Variants in DNAH12 observed in about 807,000 individuals in gnomAD.
The protein encoded by DNAH12 is axonemal beta dynein heavy chain 12.
A neutral mutation model predicts 371.5 loss-of-function variants in DNAH12; 285 were observed. That is an observed-to-expected ratio of 0.77 (90% CI 0.70 to 0.85). The LOEUF is 0.85. Ranked by LOEUF, DNAH12 falls within the 40% of genes least tolerant of loss-of-function variation. DNAH12 has a pLI of 0.00. For synonymous variants in DNAH12, 1,200 were observed against 1,213.0 expected, an observed-to-expected ratio of 0.99 and a Z score of 0.22; for missense variants, 3,611 against 3,689.4, an observed-to-expected ratio of 0.98 and a Z score of 0.55.
chr3:57,328,510 A>T (rs1029630384), intron 62 of DNAH12, among the ~76,000 whole-genome samples: 2 of 149,012 alleles, frequency 1.3e-5, no homozygotes, highest in African/African-American at 5.0e-5. Context: ...AAATTCAACA[A>T]CCCTTCATGC....
At chr3:57,531,322 A>G (rs908074396) in intron 2 of DNAH12, among the ~76,000 whole-genome samples, 1 of 152,156 alleles carries the variant, frequency 6.6e-6, no homozygotes, top group Non-Finnish European at 1.5e-5. Context: ...AGCACTTTAA[A>G]TATTTCATTC....
intron 2 of DNAH12, among the ~76,000 whole-genome samples, chr3:57,532,794 T>C (rs1020702452): frequency 1.3e-5 from 2 of 152,172 alleles, no homozygotes; most frequent in Admixed American, 6.5e-5. Flanking sequence ...GAAGCCAGCA[T>C]AGCACTGGGT....
At chr3:57,452,050 G>A (rs554413341) in intron 25 of DNAH12, among the ~76,000 whole-genome samples, 2 of 151,984 alleles carry the variant, frequency 1.3e-5, no homozygotes, top group South Asian at 2.1e-4. Flanking sequence ...ATGAACTTTC[G>A]CTCCTGCTCT....
chr3:57,301,041 G>C (rs2061333046), intron 70 of DNAH12, among the ~76,000 whole-genome samples: 1 of 152,040 alleles, frequency 6.6e-6, no homozygotes, highest in South Asian at 2.1e-4. Context: ...TGTAATCCCA[G>C]TGCTTTGGGA....
chr3:57,310,688 T>G, intron 67 of DNAH12, 29 bp downstream of exon 67: 1 of 1,465,934 alleles, frequency 6.8e-7, no homozygotes, highest in Middle Eastern at 1.7e-4. Context: ...CACACATTAA[T>G]CTAACCTTAT....
chr3:57,327,092 C>A (rs969925046), intron 62 of DNAH12, among the ~76,000 whole-genome samples: 1 of 151,658 alleles, frequency 6.6e-6, no homozygotes, highest in Middle Eastern at 3.2e-3. Context: ...GAGACTTAGA[C>A]TCCCACACAA....
chr3:57,425,908 AAT>A (rs1253332560), intron 34 of DNAH12, among the ~76,000 whole-genome samples: 8 of 152,198 alleles, frequency 5.3e-5, no homozygotes, highest in Non-Finnish European at 1.0e-4. Flanking sequence ...AGACAAAAAT[AAT>A]ATGATGTAAT....
Position 57,468,798 on chromosome 3 carries a change from G to T in DNAH12, c.2287C>A (p.Pro763Thr). Residue 763 changes from proline (P) to threonine (T), a missense_variant, in exon 17 of 74, where the codon CCA (proline) becomes ACA (threonine). Transcript: ENST00000495027. The stretch of plus-strand genomic sequence containing the variant: ...ATAGTAATAGTAGCATTGTCTTTTG[G>T]TTCTTCTTCAATTTTCTCTTCTTCC... ...SLEEEKIEEE[P>T]KDNATITMCS... 1 of 1,533,734 alleles carries T rather than the reference G, an allele frequency of 6.5e-7. No individual in the cohort carries two copies. The highest frequency in any genetic ancestry group is 8.8e-7 in the Non-Finnish European group (1 of 1,142,832).
intron 70 of DNAH12, among the ~76,000 whole-genome samples, chr3:57,299,535 G>A (rs1310304337): frequency 1.3e-5 from 2 of 151,986 alleles, no homozygotes; most frequent in East Asian, 1.9e-4. Context: ...GAGAGAATGT[G>A]AAGATGCTAT....
chr3:57,544,922 G>A (rs969724981), upstream of DNAH12, among the ~76,000 whole-genome samples: 1 of 151,816 alleles, frequency 6.6e-6, no homozygotes, highest in Non-Finnish European at 1.5e-5. Context: ...AGTGAATACT[G>A]CCGGTGTGTT....
Position 57,446,045 on chromosome 3 carries a change from G to C in DNAH12, c.4165C>G (p.Pro1389Ala), listed in dbSNP as rs1434665780. The part of the protein sequence containing the change: ...NPGYAGRSEL[P>A]DNLKVLFRTV... Reference sequence around the variant, plus strand: ...AATAATATTACCTTAAGATTGTCCGGCAATTCAGAGCGTCCTGCATAGCCA... The same window carrying C: ...AATAATATTACCTTAAGATTGTCCGCCAATTCAGAGCGTCCTGCATAGCCA... The change falls in exon 27 of 74, where the codon CCG becomes GCG. Residue 1389 changes from proline to alanine, a missense_variant. Transcript: ENST00000495027. 1 of 1,547,600 alleles carries C rather than the reference G, an allele frequency of 6.5e-7. No individual in the cohort carries two copies. Among genetic ancestry groups the C allele is most frequent in the African/African-American group, 1.4e-5 (1 of 72,906 alleles).
At chr3:57,495,286 C>T (rs1374087332) in intron 11 of DNAH12, among the ~76,000 whole-genome samples, 5 of 152,130 alleles carry the variant, frequency 3.3e-5, no homozygotes, top group Middle Eastern at 3.4e-3. Context: ...GGGCCAGGCA[C>T]GGTGGCTCAC....
intron 61 of DNAH12, 30 bp downstream of exon 61, chr3:57,334,752 A>G (rs1029809769): frequency 1.3e-6 from 2 of 1,529,998 alleles, no homozygotes; most frequent in African/African-American, 2.8e-5. Context: ...ATTGCCATTC[A>G]ATGATAAATC....
chr3:57,519,733 A>T (rs562256858), intron 4 of DNAH12: 2 of 1,611,110 alleles, frequency 1.2e-6, no homozygotes, highest in South Asian at 1.1e-5. Flanking sequence ...GTTCTGTTTC[A>T]CCCACAGGGA....
chr3:57,337,032 G>C (rs2062239647), intron 60 of DNAH12, among the ~76,000 whole-genome samples: 2 of 152,094 alleles, frequency 1.3e-5, no homozygotes. Context: ...AAAAGACAGA[G>C]ACTGACAGTA....
Position 57,357,191 on chromosome 3 carries a change from T to G in DNAH12, c.9518A>C (p.Asn3173Thr), listed in dbSNP as rs2062819896. ...GAATGTTTACCTGTCATGAATAGAGTTGATATAAAGGTTCACAAACCACGT... is the reference window on the plus strand; with the variant it reads ...GAATGTTTACCTGTCATGAATAGAGGTGATATAAAGGTTCACAAACCACGT... ...SLTWFVNLYI[N>T]SIHDSNKSKI... is the part of the protein sequence containing the mutation. The change falls in exon 59 of 74, where the codon AAC becomes ACC. Residue 3173 changes from asparagine (N) to threonine (T), a missense_variant. Asn to Thr is a moderately conservative substitution (Grantham distance 65). Around this residue, in one of 3 missense-constraint regions of DNAH12, gnomAD observed 2,266 missense variants for 2,236.9 expected, o/e 1.01. Coordinates refer to ENST00000495027, the MANE Select transcript of DNAH12 (RefSeq NM_001366028.2). 1 of 151,728 alleles carries G rather than the reference T, an allele frequency of 6.6e-6. No individual in the cohort carries two copies. The highest frequency in any genetic ancestry group is 6.6e-5 in the Admixed American group (1 of 15,226). The allele number at this position is 151,728 out of a possible 1,614,324, so 9.4% of individuals were successfully genotyped here. A position where few individuals can be genotyped will look rare whatever the true frequency, so the allele number is the denominator to read the frequency against.
chr3:57,438,670 C>A (rs868549140), intron 29 of DNAH12, among the ~76,000 whole-genome samples: 3 of 151,788 alleles, frequency 2.0e-5, no homozygotes, highest in Admixed American at 6.6e-5. Flanking sequence ...GAATGCAATC[C>A]GGCCGGGCGC....
At chr3:57,444,336 G>A (rs2065406258) in intron 29 of DNAH12, among the ~76,000 whole-genome samples, 1 of 151,866 alleles carries the variant, frequency 6.6e-6, no homozygotes, top group Admixed American at 6.6e-5. Context: ...TGCAGTGGTG[G>A]GACACCACCA....
intron 50 of DNAH12, among the ~76,000 whole-genome samples, chr3:57,381,191 C>G (rs1408943078): frequency 6.6e-6 from 1 of 151,762 alleles, no homozygotes; most frequent in Non-Finnish European, 1.5e-5. Context: ...GCTGAAATAA[C>G]CAGCTGAAAG....
Sources: gnomAD v4.1 joint callset for allele counts (sites outside exome capture counted in the v4.1 genomes callset) on GRCh38, gnomAD v4.1.1 for gene constraint, gnomAD v4.1.1 regional missense constraint, MANE v1.5 for transcripts, NCBI Gene and HGNC (gene_info 2026-07-23, HGNC 2026-07-21) for gene names.